DGKB: variants seen among roughly 807,000 people sequenced by gnomAD.
The protein encoded by DGKB is 90 kDa diacylglycerol kinase.
A neutral mutation model predicts 114.3 loss-of-function variants in DGKB; 67 were observed. The ratio of observed to expected loss-of-function variants is 0.59; its 90% CI spans 0.48 to 0.72. DGKB has a LOEUF of 0.72. Among genes scored for constraint, DGKB ranks in the 30% least tolerant of loss-of-function variants. The pLI is 0.00. For missense variants in DGKB, 907 were observed against 975.2 expected (o/e 0.93, Z 0.93); for synonymous variants, 398 against 323.1 (o/e 1.23, Z -2.49).
At chr7:14,440,739 C>A (rs12532388) in intron 21 of DGKB, among the ~76,000 whole-genome samples, 1 of 152,018 alleles carries the variant, frequency 6.6e-6, no homozygotes, top group Non-Finnish European at 1.5e-5. Flanking sequence ...TACATACCTA[C>A]GAAGGAAATT....
At chr7:14,231,595 CATATGT>C (rs1392486820) in intron 23 of DGKB, among the ~76,000 whole-genome samples, 3 of 150,304 alleles carry the variant, frequency 2.0e-5, no homozygotes, top group Non-Finnish European at 4.4e-5. Flanking sequence ...TATTATTATG[CATATGT>C]ATGAGTGTAA....
At chr7:14,864,101 CA>C (rs34612317) in intron 1 of DGKB, among the ~76,000 whole-genome samples, 17,176 of 96,338 alleles carry the variant, frequency 0.18, 977 homozygotes, top group Non-Finnish European at 0.26. Context: ...AACTCTGTTT[CA>C]AAAAAAAAAA....
intron 1 of DGKB, among the ~76,000 whole-genome samples, chr7:14,887,046 G>A (rs217581): frequency 0.9 from 136,515 of 151,858 alleles, 61,888 homozygotes; most frequent in Non-Finnish European, 0.96. Context: ...AAGCCTTTCA[G>A]ATTCTCTTGA....
chr7:14,390,161 G>T (rs927609625), intron 21 of DGKB, among the ~76,000 whole-genome samples: 3 of 152,082 alleles, frequency 2.0e-5, no homozygotes, highest in Non-Finnish European at 4.4e-5. Context: ...ATACATAAGG[G>T]TATTTGCTAG....
At chr7:14,648,503 A>T (rs1261544226) in intron 13 of DGKB, among the ~76,000 whole-genome samples, 1 of 80,406 alleles carries the variant, frequency 1.2e-5, no homozygotes, top group Non-Finnish European at 2.9e-5. Flanking sequence ...GTACATCACC[A>T]TCATCAAACA....
chr7:14,942,762 T>C (rs1388596205), intron 1 of DGKB, among the ~76,000 whole-genome samples: 1 of 152,060 alleles, frequency 6.6e-6, no homozygotes, highest in Non-Finnish European at 1.5e-5. Flanking sequence ...CCTTATTTAA[T>C]TTAGTCCTCA....
intron 2 of DGKB, among the ~76,000 whole-genome samples, chr7:14,778,044 G>T (rs533178919): frequency 6.6e-6 from 1 of 152,114 alleles, no homozygotes; most frequent in Non-Finnish European, 1.5e-5. Flanking sequence ...ATATCACCGT[G>T]AATTAATTAA....
intron 13 of DGKB, among the ~76,000 whole-genome samples, chr7:14,636,186 A>G (rs1341216066): frequency 6.6e-6 from 1 of 151,768 alleles, no homozygotes. Context: ...CTGCCAGTCA[A>G]CCTTATCATG....
intron 6 of DGKB, among the ~76,000 whole-genome samples, chr7:14,704,447 C>CAAAAAAAAA (rs774905779): frequency 1.9e-5 from 1 of 53,482 alleles, no homozygotes; most frequent in African/African-American, 5.4e-5. Flanking sequence ...GACTCCATCT[C>CAAAAAAAAA]AAAAAAAAAA....
At chr7:14,790,794 T>C (rs1304415200) in intron 2 of DGKB, among the ~76,000 whole-genome samples, 1 of 152,146 alleles carries the variant, frequency 6.6e-6, no homozygotes, top group Non-Finnish European at 1.5e-5. Flanking sequence ...TCTAGTTCTT[T>C]TGCCTTTTTA....
chr7:14,315,183 A>G (rs866373520), intron 23 of DGKB, among the ~76,000 whole-genome samples: 3,569 of 142,500 alleles, frequency 0.025, 118 homozygotes, highest in African/African-American at 0.085. Flanking sequence ...AAATCATGCC[A>G]AAATGTAAAG....
At chr7:14,903,954 C>G (rs138116000), upstream of DGKB, among the ~76,000 whole-genome samples, 54 of 152,264 alleles carry the variant, frequency 3.5e-4, no homozygotes, top group East Asian at 9.1e-3. Flanking sequence ...ATTAACATCT[C>G]TCTGTCAGCT....
chr7:14,810,385 T>C (rs565568000), intron 2 of DGKB, among the ~76,000 whole-genome samples: 16 of 152,074 alleles, frequency 1.1e-4, no homozygotes, highest in Non-Finnish European at 2.4e-4. Flanking sequence ...ACTACAACAT[T>C]ATGGGATAGC....
At chr7:14,387,519 C>A (rs1049339218) in intron 21 of DGKB, among the ~76,000 whole-genome samples, 2 of 151,830 alleles carry the variant, frequency 1.3e-5, no homozygotes, top group Non-Finnish European at 2.9e-5. Flanking sequence ...CTAAAGCAAT[C>A]CTCCCACCTA....
intron 25 of DGKB, among the ~76,000 whole-genome samples, chr7:14,153,208 C>T (rs201975973): frequency 3.3e-5 from 5 of 151,990 alleles, no homozygotes; most frequent in Admixed American, 2.6e-4. Flanking sequence ...TTCTTGCTTC[C>T]CTGTCTTCCA....
chr7:14,737,615 G>A (rs1041165543), intron 4 of DGKB, among the ~76,000 whole-genome samples: 13 of 151,888 alleles, frequency 8.6e-5, no homozygotes, highest in Non-Finnish European at 1.3e-4. Context: ...AGAATCTCAG[G>A]CAATAAAACC....
At chr7:14,262,368 A>AT (rs1488199127) in intron 23 of DGKB, among the ~76,000 whole-genome samples, 2 of 152,054 alleles carry the variant, frequency 1.3e-5, no homozygotes, top group Admixed American at 1.3e-4. Context: ...AAAGAGATTA[A>AT]TTTTTTTATA....
At chr7:14,736,015 T>C in intron 5 of DGKB, 26 bp downstream of exon 5, 1 of 1,450,850 alleles carries the variant, frequency 6.9e-7, no homozygotes, top group East Asian at 2.4e-5. Flanking sequence ...TTGTACTATA[T>C]AAATGTTTAA....
intron 2 of DGKB, among the ~76,000 whole-genome samples, chr7:14,760,574 T>A (rs1423872747): frequency 2.0e-5 from 3 of 152,120 alleles, no homozygotes; most frequent in African/African-American, 7.2e-5. Flanking sequence ...TTATCCATAA[T>A]CGTAGATGCA....
Sources: allele counts gnomAD v4.1 joint callset (sites outside exome capture counted in the v4.1 genomes callset), GRCh38; gene constraint gnomAD v4.1.1; transcripts MANE v1.5; gene names NCBI Gene and HGNC (gene_info 2026-07-23, HGNC 2026-07-21).